Variants in PKHD1L1 observed in about 807,000 individuals in gnomAD.
PKHD1L1 encodes fibrocystin-L.
A neutral mutation model predicts 462.9 loss-of-function variants in PKHD1L1; 434 were observed. The ratio of observed to expected loss-of-function variants is 0.94; its 90% CI spans 0.87 to 1.02. The LOEUF (loss-of-function observed/expected upper bound fraction) is 1.02, where lower values mean the gene tolerates loss of function less well. Among genes scored for constraint, PKHD1L1 ranks in the 50% least tolerant of loss-of-function variants. The pLI, the probability that PKHD1L1 is intolerant of heterozygous loss-of-function variation, is 0.00. For missense variants in PKHD1L1, 5,202 were observed against 5,096.1 expected, an observed-to-expected ratio of 1.02 and a Z score of -0.63; for synonymous variants, 1,781 against 1,750.0, an observed-to-expected ratio of 1.02 and a Z score of -0.44.
chr8:109,450,753 G>A (rs1816440471), intron 40 of PKHD1L1, among the ~76,000 whole-genome samples: 1 of 152,218 alleles, frequency 6.6e-6, no homozygotes, highest in African/African-American at 2.4e-5. Context: ...AGTCTCCCCA[G>A]GAGGGTCGAA....
At chr8:109,383,213 T>G (rs1178195259) in intron 4 of PKHD1L1, among the ~76,000 whole-genome samples, 1 of 99,758 alleles carries the variant, frequency 1.0e-5, no homozygotes, top group Non-Finnish European at 1.9e-5. Context: ...TATTATATAA[T>G]ATAATTATAT....
At chr8:109,497,119 A>G in intron 64 of PKHD1L1, 31 bp from the exon 65 acceptor site, 1 of 1,612,888 alleles carries the variant, frequency 6.2e-7, no homozygotes, top group Non-Finnish European at 8.5e-7. Context: ...GATTGTCCTT[A>G]GTATTATGTA....
chr8:109,485,243 T>C, intron 58 of PKHD1L1, 70 bp downstream of exon 58: 1 of 1,282,422 alleles, frequency 7.8e-7, no homozygotes, highest in South Asian at 1.8e-5. Flanking sequence ...TCTGTAATTA[T>C]AATTCTTTGA....
In PKHD1L1 at chr8:109,400,365, T is replaced by C. The variant is rs190145857; in HGVS notation, c.1281+21T>C. The C allele has an allele frequency of 2.8e-5, 45 of 1,595,988 alleles. No homozygotes were observed. The African/African-American group carries it at 4.4e-4, about 16-fold the overall frequency. Reference sequence around the variant, plus strand: ...ATAAGGTAGGGAAGCCTCAGAATACTATTTGATACTGTAAAAACATTATGG... The same window carrying C: ...ATAAGGTAGGGAAGCCTCAGAATACCATTTGATACTGTAAAAACATTATGG... On this transcript the variant is annotated intron_variant, in intron 13 of 77. Coordinates refer to ENST00000378402, the MANE Select transcript of PKHD1L1 (RefSeq NM_177531.6).
intron 71 of PKHD1L1, among the ~76,000 whole-genome samples, chr8:109,511,265 A>G (rs1819962489): frequency 6.6e-6 from 1 of 152,004 alleles, no homozygotes; most frequent in Non-Finnish European, 1.5e-5. Flanking sequence ...ACACATGTAT[A>G]TATGTGCCAT....
chr8:109,369,186 G>A (rs188635179), intron 2 of PKHD1L1, among the ~76,000 whole-genome samples: 370 of 143,556 alleles, frequency 2.6e-3, no homozygotes, highest in African/African-American at 9.1e-3. Context: ...ATCTTGGCCA[G>A]GTTGGTCTCA....
At chr8:109,477,105 A>G (rs1586591296) in intron 52 of PKHD1L1, 120 bp from the exon 53 acceptor site, 1 of 854,846 alleles carries the variant, frequency 1.2e-6, no homozygotes, top group Non-Finnish European at 1.8e-6. Flanking sequence ...CCTCTTCCAT[A>G]CATGTGAATT....
intron 28 of PKHD1L1, 42 bp from the exon 29 acceptor site, chr8:109,435,148 T>C: frequency 1.2e-6 from 2 of 1,604,148 alleles, no homozygotes; most frequent in Non-Finnish European, 1.7e-6. Flanking sequence ...CATAAAACCA[T>C]TTGATTTACC....
intron 43 of PKHD1L1, among the ~76,000 whole-genome samples, chr8:109,453,798 C>T (rs1816670686): frequency 6.6e-6 from 1 of 152,074 alleles, no homozygotes; most frequent in Admixed American, 6.5e-5. Context: ...TATAAACATG[C>T]TTTTCTTTAA....
At chr8:109,432,194 T>C (rs756781859) in intron 27 of PKHD1L1, among the ~76,000 whole-genome samples, 1 of 152,184 alleles carries the variant, frequency 6.6e-6, no homozygotes, top group Non-Finnish European at 1.5e-5. Context: ...TGTTTACCAA[T>C]CCTTTGCACA....
chr8:109,401,470 T>A, intron 13 of PKHD1L1, 27 bp from the exon 14 acceptor site: 1 of 1,253,076 alleles, frequency 8.0e-7, no homozygotes. Flanking sequence ...TTCTCCCTTT[T>A]CTCTGTCTCT....
intron 62 of PKHD1L1, among the ~76,000 whole-genome samples, chr8:109,493,239 T>A (rs1044305249): frequency 6.7e-6 from 1 of 148,478 alleles, no homozygotes; most frequent in East Asian, 1.9e-4. Context: ...ATATTTATAT[T>A]AAACATATAT....
intron 68 of PKHD1L1, among the ~76,000 whole-genome samples, 193 bp downstream of exon 68, chr8:109,504,685 C>A (rs1041197481): frequency 6.6e-6 from 1 of 152,172 alleles, no homozygotes; most frequent in Middle Eastern, 3.4e-3. Flanking sequence ...TAAAACTGGG[C>A]TTTAATATAT....
intron 65 of PKHD1L1, 45 bp downstream of exon 65, chr8:109,497,317 G>T: frequency 6.3e-7 from 1 of 1,579,986 alleles, no homozygotes; most frequent in South Asian, 1.1e-5. Flanking sequence ...AAATAACTTG[G>T]AGAAGGGTGG....
chr8:109,398,336 G>A lies in PKHD1L1; in HGVS notation c.923-123G>A, dbSNP rs1431032858. ...AGAGAATATGTAAAGGAAATAAAGA[G>A]CCCTAATTTTGCCTCTTGTTTATGC... On this transcript the variant is annotated intron_variant, in intron 11 of 77. Transcript: ENST00000378402. The A allele has an allele frequency of 1.7e-5, 11 of 637,842 alleles. No homozygotes were observed. The East Asian group carries it at 2.8e-4, about 16-fold the overall frequency. 39.5% of individuals were successfully genotyped at this position (637,842 alleles called of 1,614,324 possible). A position where few individuals can be genotyped will look rare whatever the true frequency, so the allele number is the denominator to read the frequency against.
At position 109,436,352 on chromosome 8, in the gene PKHD1L1, A is replaced by C. The variant is rs753585822; in HGVS notation, c.3520A>C (p.Thr1174Pro). 8 of 1,612,692 alleles carry C rather than the reference A, an allele frequency of 5.0e-6. No homozygotes were observed. The South Asian group carries it at 8.8e-5, about 18-fold the overall frequency. Reference protein sequence around the residue: ...SGSIAGGTLLTLSGFGFNENS... With the variant: ...SGSIAGGTLLPLSGFGFNENS... ...TTCTTATGAAGGTGGTACTCTACTG[A>C]CTTTATCTGGATTTGGCTTTAATGA... The change falls in exon 30 of 78, where the codon ACT becomes CCT. Residue 1174 changes from threonine to proline, a missense_variant. Physicochemically the swap from Thr to Pro is conservative, Grantham distance 38. Coordinates refer to ENST00000378402, the MANE Select transcript of PKHD1L1 (RefSeq NM_177531.6).
Position 109,508,254 on chromosome 8 carries a change from T to A in PKHD1L1, c.11385T>A (p.Asp3795Glu), listed in dbSNP as rs1014909055. The change falls in exon 70 of 78, where the codon GAT becomes GAA. Residue 3795 changes from aspartate (D) to glutamate (E), a missense_variant. Asp to Glu is a conservative substitution (Grantham distance 45). This residue lies in a region of PKHD1L1 where 698 missense variants were observed against 736.3 expected (regional missense o/e 0.95). Transcript: ENST00000378402. The part of the protein sequence containing the change: ...PVAIMGNGYV[D>E]LINGPQDHGW... ...CTATAATGGGCAACGGTTATGTTGATCTTATTAATGGTAGGTATTCAATAT... is the reference window on the plus strand; with the variant it reads ...CTATAATGGGCAACGGTTATGTTGAACTTATTAATGGTAGGTATTCAATAT... 3.7e-6 allele frequency: 6 copies of A among 1,605,496 alleles called. No homozygotes were observed. In the East Asian group the frequency reaches 1.1e-4, roughly 30 times the overall value.
Position 109,362,551 on chromosome 8 carries a change from G to A in PKHD1L1, c.-30G>A, listed in dbSNP as rs1279158878. 3.2e-6 allele frequency: 5 copies of A among 1,581,730 alleles called. No individual in the cohort carries two copies. Among genetic ancestry groups the A allele is most frequent in the Admixed American group, 1.8e-5 (1 of 55,612 alleles). On this transcript the variant is annotated 5_prime_UTR_variant, in exon 1 of 78. Transcript: ENST00000378402. ...AGCACTAGAGCCAGCTGCGAGCGGA[G>A]GGCACCAACTCCGCAGAACTGGCTT...
chr8:109,514,464 A>C (rs1261160531), intron 71 of PKHD1L1, among the ~76,000 whole-genome samples: 1 of 152,116 alleles, frequency 6.6e-6, no homozygotes, highest in East Asian at 1.9e-4. Context: ...AGGAACTCAA[A>C]ATTTTCTTTT....
Sources: gnomAD v4.1 joint callset for allele counts (sites outside exome capture counted in the v4.1 genomes callset) on GRCh38, gnomAD v4.1.1 for gene constraint, gnomAD v4.1.1 regional missense constraint, MANE v1.5 for transcripts, NCBI Gene and HGNC (gene_info 2026-07-23, HGNC 2026-07-21) for gene names.